MIA: variants seen among roughly 807,000 people sequenced by gnomAD.
MIA encodes melanoma-derived growth regulatory protein.
MIA carries 18 observed loss-of-function variants against 18.5 expected under a neutral mutation model. The ratio of observed to expected loss-of-function variants is 0.97; its 90% confidence interval spans 0.67 to 1.44. The LOEUF (loss-of-function observed/expected upper bound fraction) is 1.44, where lower values mean the gene tolerates loss of function less well. Among genes scored for constraint, MIA ranks in the 40% most tolerant of loss-of-function variants. The pLI is 0.00. For synonymous variants in MIA, 55 were observed against 64.9 expected (o/e 0.85, Z 0.74); for missense variants, 158 against 172.4 (o/e 0.92, Z 0.47).
intron 3 of MIA, 150 bp from the exon 4 acceptor site, chr19:40,777,247 G>A (rs562761094): frequency 5.7e-5 from 63 of 1,096,576 alleles, no homozygotes; most frequent in Admixed American, 9.1e-5. Flanking sequence ...CAGTTGGGAG[G>A]TGCAAAGATT....
intron 2 of MIA, 140 bp from the exon 3 acceptor site, chr19:40,776,829 A>G: frequency 1.6e-6 from 1 of 609,002 alleles, no homozygotes; most frequent in Non-Finnish European, 2.9e-6. Context: ...GCCTCTGAAC[A>G]GGTGGCATTT....
Position 40,775,780 on chromosome 19 carries a change from G to A in MIA, c.156G>A (p.Gln52=). ...CTATCTCCATGGCTGTGGCCCTTCA[G>A]GACTACATGGCCCCCGACTGCCGAT... ...SHPISMAVAL[Q]DYMAPDCRFL... The change falls in exon 2 of 4, where the codon CAG becomes CAA. Residue 52 remains glutamine, a synonymous_variant. Coordinates refer to ENST00000263369, the MANE Select transcript of MIA (RefSeq NM_006533.4). The A allele has an allele frequency of 3.1e-6, 5 of 1,614,138 alleles. No individual in the cohort carries two copies. Among genetic ancestry groups the A allele is most frequent in the Non-Finnish European group, 4.2e-6 (5 of 1,180,042 alleles).
At chr19:40,775,436 G>A (rs927976050), upstream of MIA, 111 of 1,553,254 alleles carry the variant, frequency 7.1e-5, no homozygotes, top group Non-Finnish European at 8.4e-5. Context: ...GGTTTAGGGC[G>A]GGGACAAGAC....
At chr19:40,775,367 C>T, upstream of MIA, 1 of 998,088 alleles carries the variant, frequency 1.0e-6, no homozygotes, top group Non-Finnish European at 1.5e-6. Context: ...TTTACCCTAT[C>T]CTTGAAATGG....
intron 2 of MIA, among the ~76,000 whole-genome samples, chr19:40,776,198 T>A (rs1171773450): frequency 3.3e-5 from 5 of 152,040 alleles, no homozygotes; most frequent in African/African-American, 1.2e-4. Context: ...GGCTAATTTT[T>A]GTATTTTTAG....
rs771629120 is a variant in MIA, at chr19:40,775,876, G to C, written c.252G>C (p.Trp84Cys). 6.2e-7 allele frequency: 1 copy of C among 1,614,070 alleles called. No homozygotes were observed. The highest frequency in any genetic ancestry group is 2.2e-5 in the East Asian group (1 of 44,880). ...SKLKGRGRLFWGGSVQGDYYG... is the reference protein window; with the variant it reads ...SKLKGRGRLFCGGSVQGDYYG... ...TGAAGGGCCGTGGGCGGCTCTTCTG[G>C]GGAGGCAGCGTGAGTCTTGGGAGAG... Residue 84 changes from tryptophan to cysteine, a missense_variant, in exon 2 of 4, where the codon TGG (tryptophan) becomes TGC (cysteine). By Grantham distance (215) the Trp-to-Cys change is radical. Transcript: ENST00000263369.
intron 2 of MIA, 109 bp downstream of exon 2, chr19:40,775,994 G>A: frequency 7.5e-7 from 1 of 1,341,450 alleles, no homozygotes; most frequent in Non-Finnish European, 1.0e-6. Flanking sequence ...ATTGTGGGGG[G>A]ATATTGTTAC....
Position 40,775,646 on chromosome 19 carries a change from T to C in MIA, c.104T>C (p.Leu35Pro). The C allele has an allele frequency of 6.2e-7, 1 of 1,614,120 alleles. No homozygotes were observed. Among genetic ancestry groups the C allele is most frequent in the Non-Finnish European group, 8.5e-7 (1 of 1,180,010 alleles). The part of the protein sequence containing the change: ...GPMPKLADRK[L>P]CADQECSHPI... ...ATGCCCAAGCTGGCTGACCGGAAGC[T>C]GTGTGCGGACCAGGAGTGCAGCCGT... The change falls in exon 1 of 4, where the codon CTG becomes CCG. Residue 35 changes from leucine to proline, a missense_variant. Transcript: ENST00000263369.
intron 3 of MIA, 101 bp downstream of exon 3, chr19:40,777,180 A>G: frequency 2.6e-6 from 3 of 1,156,732 alleles, no homozygotes; most frequent in African/African-American, 1.5e-5. Context: ...CAGCCTAGGT[A>G]TGTGCGCTGG....
At position 40,775,856 on chromosome 19, in the gene MIA, G is replaced by A. The variant is rs2082992197; in HGVS notation, c.232G>A (p.Gly78Ser). 3 of 1,614,042 alleles carry A rather than the reference G, an allele frequency of 1.9e-6. No individual in the cohort carries two copies. The highest frequency in any genetic ancestry group is 2.2e-5 in the South Asian group (2 of 91,072). Reference protein sequence around the residue: ...QVVYVFSKLKGRGRLFWGGSV... With the variant: ...QVVYVFSKLKSRGRLFWGGSV... The stretch of plus-strand genomic sequence containing the variant: ...GGTGTATGTCTTCTCCAAGCTGAAG[G>A]GCCGTGGGCGGCTCTTCTGGGGAGG... The change falls in exon 2 of 4, where the codon GGC (glycine) becomes AGC (serine). Residue 78 changes from glycine to serine, a missense_variant. Gly to Ser is a moderately conservative substitution (Grantham distance 56, BLOSUM62 0). Transcript: ENST00000263369.
rs116051641 is a variant in MIA, at chr19:40,776,688, G to A, written c.262-281G>A. 3.3e-3 allele frequency: 890 copies of A among 272,046 alleles called. 8 individuals are homozygous for A. The highest frequency in any genetic ancestry group is 0.019 in the African/African-American group (856 of 44,344). 16.9% of individuals were successfully genotyped at this position (272,046 alleles called of 1,614,324 possible). On this transcript the variant is annotated intron_variant, in intron 2 of 3. Transcript: ENST00000263369. ...ATCCCAGAAGTTGAGGCTGCAGTGA[G>A]CCGTGATCATGCTACTGCACCTCAA...
In MIA at chr19:40,776,610, G is replaced by T. The variant is rs2145029695; in HGVS notation, c.262-359G>T. Among the ~76,000 whole-genome samples, 5 of 152,078 alleles carry T rather than the reference G, an allele frequency of 3.3e-5. No homozygotes were observed. In the East Asian group the frequency reaches 9.7e-4, roughly 29 times the overall value. On this transcript the variant is annotated intron_variant, in intron 2 of 3. Coordinates refer to ENST00000263369, the MANE Select transcript of MIA (RefSeq NM_006533.4). The stretch of plus-strand genomic sequence containing the variant: ...AATTTAAAATTAACTGGGCTTCATG[G>T]CATGTGTCTGTGGTCCCGGCTACTC...
At chr19:40,775,394 A>C, upstream of MIA, 1 of 1,222,624 alleles carries the variant, frequency 8.2e-7, no homozygotes, top group Non-Finnish European at 1.2e-6. Context: ...TTTCATAGCA[A>C]CTTCTAGGTG....
rs748249239 is a variant in MIA, at chr19:40,775,740, T to TTCC, written c.128-10_128-8dup. 4.0e-5 allele frequency: 64 copies of TTCC among 1,614,126 alleles called. No individual in the cohort carries two copies. Among genetic ancestry groups the TTCC allele is most frequent in the Admixed American group, 3.3e-5 (2 of 60,010 alleles). On this transcript the variant is annotated splice_polypyrimidine_tract_variant and intron_variant, in intron 1 of 3. Coordinates refer to ENST00000263369, the MANE Select transcript of MIA (RefSeq NM_006533.4). ...GTGGAGGGTGCTGCATTCCCTTCTA[T>TTCC]TCCTTCCCTAGACCCTATCTCCATG...
Position 40,775,612 on chromosome 19 carries a change from G to C in MIA, c.70G>C (p.Gly24Arg). The part of the protein sequence containing the change: ...LSAFSGPGVR[G>R]GPMPKLADRK... ...TGCCTTCTCCGGACCTGGTGTCAGG[G>C]GTGGTCCTATGCCCAAGCTGGCTGA... Residue 24 changes from glycine (G) to arginine (R), a missense_variant, in exon 1 of 4, where the codon GGT (glycine) becomes CGT (arginine). Transcript: ENST00000263369. 1 of 1,614,184 alleles carries C rather than the reference G, an allele frequency of 6.2e-7. No homozygotes were observed. The highest frequency in any genetic ancestry group is 8.5e-7 in the Non-Finnish European group (1 of 1,180,042).
chr19:40,776,734 C>T (rs1476274705), intron 2 of MIA: 4 of 396,286 alleles, frequency 1.0e-5, no homozygotes, highest in Non-Finnish European at 1.8e-5. Context: ...ACAATGAGAC[C>T]CTGTTTCCAA....
chr19:40,775,965 G>C, intron 2 of MIA, 80 bp downstream of exon 2: 2 of 1,527,452 alleles, frequency 1.3e-6, no homozygotes, highest in Admixed American at 1.9e-5. Context: ...AGATTTGAGG[G>C]GGGTGAACTG....
Position 40,775,882 on chromosome 19 carries a change from C to T in MIA, c.258C>T (p.Gly86=). 2 of 1,613,706 alleles carry T rather than the reference C, an allele frequency of 1.2e-6. No homozygotes were observed. The highest frequency in any genetic ancestry group is 1.7e-6 in the Non-Finnish European group (2 of 1,179,938). ...GCCGTGGGCGGCTCTTCTGGGGAGGCAGCGTGAGTCTTGGGAGAGTGAAAG... is the reference window on the plus strand; with the variant it reads ...GCCGTGGGCGGCTCTTCTGGGGAGGTAGCGTGAGTCTTGGGAGAGTGAAAG... ...LKGRGRLFWG[G]SVQGDYYGDL... The change falls in exon 2 of 4, where the codon GGC becomes GGT. Residue 86 remains glycine, a synonymous_variant. Transcript: ENST00000263369.
Position 40,775,650 on chromosome 19 carries a change from TGC to T in MIA, c.110_111del (p.Ala37GlyfsTer69). On this transcript the variant is annotated frameshift_variant, in exon 1 of 4. Transcript: ENST00000263369. LOFTEE classifies it high-confidence loss of function. ...CCAAGCTGGCTGACCGGAAGCTGTGTGCGGACCAGGAGTGCAGCCGTAAGAAT... is the reference window on the plus strand; with the variant it reads ...CCAAGCTGGCTGACCGGAAGCTGTGTGGACCAGGAGTGCAGCCGTAAGAAT... Reference protein sequence around the residue: ...MPKLADRKLCADQECSHPISM... With the variant: ...MPKLADRKLCXDQECSHPISM... The T allele has an allele frequency of 6.2e-7, 1 of 1,614,128 alleles. No homozygotes were observed. The highest frequency in any genetic ancestry group is 8.5e-7 in the Non-Finnish European group (1 of 1,180,014).
Sources: gnomAD v4.1 joint callset for allele counts (sites outside exome capture counted in the v4.1 genomes callset) on GRCh38, gnomAD v4.1.1 for gene constraint, MANE v1.5 for transcripts, NCBI Gene and HGNC (gene_info 2026-07-23, HGNC 2026-07-21) for gene names.